CSMD1: variants seen among roughly 807,000 people sequenced by gnomAD.
The protein encoded by CSMD1 is CUB and sushi domain-containing protein 1.
A neutral mutation model predicts 417.5 loss-of-function variants in CSMD1; 213 were observed. That is an observed-to-expected ratio of 0.51 (90% confidence interval 0.46 to 0.57). The LOEUF (loss-of-function observed/expected upper bound fraction) is 0.57. Among genes scored for constraint, CSMD1 ranks in the 20% least tolerant of loss-of-function variants. The pLI, the probability that CSMD1 is intolerant of heterozygous loss-of-function variation, is 0.00. For synonymous variants in CSMD1, 2,862 were observed against 1,736.8 expected, an observed-to-expected ratio of 1.65 and a Z score of -16.11; for missense variants, 6,923 against 4,529.7, an observed-to-expected ratio of 1.53 and a Z score of -15.17.
chr8:4,542,551 G>A (rs1797439187), intron 2 of CSMD1, among the ~76,000 whole-genome samples: 1 of 152,020 alleles, frequency 6.6e-6, no homozygotes, highest in Admixed American at 6.6e-5. Flanking sequence ...AAGATAAAAG[G>A]GTGCTGTCAT....
chr8:3,675,007 T>G (rs1799298503), intron 7 of CSMD1, among the ~76,000 whole-genome samples: 1 of 152,222 alleles, frequency 6.6e-6, no homozygotes, highest in African/African-American at 2.4e-5. Context: ...GGAAGGTTTT[T>G]AATGCCCAGT....
intron 7 of CSMD1, among the ~76,000 whole-genome samples, chr8:3,678,286 T>A (rs947778606): frequency 6.6e-5 from 10 of 152,120 alleles, no homozygotes; most frequent in Non-Finnish European, 1.2e-4. Flanking sequence ...TTAAAAACTT[T>A]GAAAAATGAT....
chr8:3,863,070 G>C (rs1804828395), intron 5 of CSMD1, among the ~76,000 whole-genome samples: 1 of 152,156 alleles, frequency 6.6e-6, no homozygotes, highest in Non-Finnish European at 1.5e-5. Context: ...CGTCAAAGTG[G>C]AAGGAGAGGC....
Position 3,915,192 on chromosome 8 carries a change from G to C in CSMD1, c.818+82711C>G, listed in dbSNP as rs2975330. On this transcript the variant is annotated intron_variant, in intron 5 of 69. Transcript: ENST00000635120. ...AGGCTGAGGCAGGAGGACCACCTAA[G>C]GTCAGGATTTCGAGACCAGCCTGGC... 3.9e-5 allele frequency among the ~76,000 whole-genome samples: 6 copies of C among 151,946 alleles called. No individual in the cohort carries two copies. In the East Asian group the frequency reaches 1.2e-3, roughly 30 times the overall value.
intron 1 of CSMD1, among the ~76,000 whole-genome samples, chr8:4,976,414 A>G (rs1810563844): frequency 6.6e-6 from 1 of 152,242 alleles, no homozygotes; most frequent in African/African-American, 2.4e-5. Flanking sequence ...TTTTAATGAA[A>G]TATAAAGAAA....
At chr8:3,503,762 C>G (rs1161722748) in intron 10 of CSMD1, among the ~76,000 whole-genome samples, 1 of 152,132 alleles carries the variant, frequency 6.6e-6, no homozygotes, top group Non-Finnish European at 1.5e-5. Flanking sequence ...CTCAGCCCAC[C>G]TGTGGTTTCA....
chr8:4,592,203 G>C (rs1437264660), intron 2 of CSMD1, among the ~76,000 whole-genome samples: 2 of 151,260 alleles, frequency 1.3e-5, no homozygotes, highest in African/African-American at 2.4e-5. Context: ...CTCCCAACAA[G>C]AATCTTCCTT....
At chr8:4,597,796 T>C (rs1800366505) in intron 2 of CSMD1, among the ~76,000 whole-genome samples, 1 of 152,150 alleles carries the variant, frequency 6.6e-6, no homozygotes, top group Non-Finnish European at 1.5e-5. Context: ...CCAGTCACTG[T>C]GCTTGCCACA....
rs538695925 is a variant in CSMD1, at chr8:4,519,873, C to G, written c.303-99808G>C. ...ATGACGAAATTCACTAGATTTGGTT[C>G]ATGAGGAAGTGAATTCCAAACAGTA... On this transcript the variant is annotated intron_variant, in intron 2 of 69. Coordinates refer to ENST00000635120, the MANE Select transcript of CSMD1 (RefSeq NM_033225.6). Among the ~76,000 whole-genome samples, 4 of 144,854 alleles carry G rather than the reference C, an allele frequency of 2.8e-5. No homozygotes were observed. The South Asian group carries it at 9.1e-4, about 33-fold the overall frequency.
intron 1 of CSMD1, among the ~76,000 whole-genome samples, chr8:4,854,213 G>C (rs535361382): frequency 4.6e-5 from 7 of 152,250 alleles, no homozygotes; most frequent in African/African-American, 1.4e-4. Context: ...TGCAGGAGTG[G>C]AAAGATATGA....
At chr8:3,834,629 T>C (rs1428237694) in intron 5 of CSMD1, among the ~76,000 whole-genome samples, 1 of 152,180 alleles carries the variant, frequency 6.6e-6, no homozygotes, top group Non-Finnish European at 1.5e-5. Flanking sequence ...GAGAGTTCTT[T>C]GAGTCTTTTT....
At chr8:4,191,079 A>ACCCCTGAGG (rs369268991) in intron 3 of CSMD1, among the ~76,000 whole-genome samples, 4,239 of 152,234 alleles carry the variant, frequency 0.028, 214 homozygotes, top group African/African-American at 0.096. Flanking sequence ...ATACACATGG[A>ACCCCTGAGG]TTAAAATAAA....
intron 1 of CSMD1, among the ~76,000 whole-genome samples, chr8:4,976,165 G>A (rs1001977971): frequency 6.6e-6 from 1 of 152,168 alleles, no homozygotes; most frequent in East Asian, 1.9e-4. Flanking sequence ...AGAGGGAGCA[G>A]AGAGACAAGG....
intron 5 of CSMD1, among the ~76,000 whole-genome samples, chr8:3,895,531 A>C (rs1213016006): frequency 6.6e-6 from 1 of 152,192 alleles, no homozygotes; most frequent in Non-Finnish European, 1.5e-5. Flanking sequence ...TAGGGAATAA[A>C]TATGATCCTA....
chr8:3,269,588 C>A (rs573328417), intron 26 of CSMD1, among the ~76,000 whole-genome samples: 2 of 152,174 alleles, frequency 1.3e-5, no homozygotes, highest in Non-Finnish European at 2.9e-5. Flanking sequence ...AAATCAATCT[C>A]GCAAAACCTG....
intron 26 of CSMD1, among the ~76,000 whole-genome samples, chr8:3,234,457 G>A (rs931656002): frequency 6.6e-6 from 1 of 152,052 alleles, no homozygotes; most frequent in African/African-American, 2.4e-5. Flanking sequence ...TTTGAACAGG[G>A]GAATCTCACT....
intron 5 of CSMD1, among the ~76,000 whole-genome samples, chr8:3,989,024 C>G (rs572382754): frequency 6.6e-6 from 1 of 152,180 alleles, no homozygotes; most frequent in Non-Finnish European, 1.5e-5. Context: ...AAAACACATT[C>G]TATTTCAAAA....
chr8:4,328,767 T>G (rs1441596343), intron 3 of CSMD1, among the ~76,000 whole-genome samples: 1 of 152,196 alleles, frequency 6.6e-6, no homozygotes, highest in East Asian at 1.9e-4. Flanking sequence ...ATCGTTTAAG[T>G]TAGCAATCTG....
intron 1 of CSMD1, among the ~76,000 whole-genome samples, chr8:4,727,473 A>G (rs77507234): frequency 0.019 from 2,830 of 152,266 alleles, 79 homozygotes; most frequent in African/African-American, 0.063. Flanking sequence ...GAAAACAATA[A>G]AGAGAGAGAA....
Sources: gnomAD v4.1 joint callset for allele counts (sites outside exome capture counted in the v4.1 genomes callset) on GRCh38, gnomAD v4.1.1 for gene constraint, MANE v1.5 for transcripts, NCBI Gene and HGNC (gene_info 2026-07-23, HGNC 2026-07-21) for gene names.